ADAM19: variants seen among roughly 807,000 people sequenced by gnomAD.
ADAM19 encodes disintegrin and metalloproteinase domain-containing protein 19.
In ADAM19, 65 loss-of-function variants were observed where a neutral mutation model predicts 114.7. The observed-to-expected ratio is 0.57, with a 90% CI of 0.46 to 0.70. ADAM19 has a LOEUF of 0.70. Among genes scored for constraint, ADAM19 ranks in the 30% least tolerant of loss-of-function variants. ADAM19 has a pLI of 0.00. For synonymous variants in ADAM19, 466 were observed against 460.5 expected, an observed-to-expected ratio of 1.01 and a Z score of -0.15; for missense variants, 1,063 against 1,204.7, an observed-to-expected ratio of 0.88 and a Z score of 1.74.
In ADAM19 at chr5:157,520,042, G is replaced by A. The variant is rs766890808; in HGVS notation, c.408-11C>T. On this transcript the variant is annotated splice_polypyrimidine_tract_variant and intron_variant, in intron 5 of 22. Coordinates refer to ENST00000257527, the MANE Select transcript of ADAM19 (RefSeq NM_033274.5). ...ACCGTAATCAGTCCTCTGTTGAGAG[G>A]AGAAATAGAATCTCTGGTCAAAGAT... 7.5e-6 allele frequency: 12 copies of A among 1,598,776 alleles called. No homozygotes were observed. The highest frequency in any genetic ancestry group is 1.7e-4 in the Middle Eastern group (1 of 5,992).
intron 1 of ADAM19, 42 bp downstream of exon 1, chr5:157,575,560 TC>T: frequency 7.1e-7 from 1 of 1,407,748 alleles, no homozygotes; most frequent in Non-Finnish European, 9.3e-7. Flanking sequence ...CTCCCAGGTC[TC>T]CGGGCCACCC....
chr5:157,530,229 GC>G (rs56121516), intron 5 of ADAM19, among the ~76,000 whole-genome samples: 68,723 of 151,512 alleles, frequency 0.45, 16,161 homozygotes, highest in African/African-American at 0.57. Context: ...TATTTTATGG[GC>G]ACTCTCACCC....
In ADAM19 at chr5:157,481,993, A is replaced by G. The variant is rs1320858009; in HGVS notation, c.2551-50T>C. On this transcript the variant is annotated intron_variant, in intron 21 of 22. Coordinates refer to ENST00000257527, the MANE Select transcript of ADAM19 (RefSeq NM_033274.5). ...CTTGAAGGCCAGAGGCCTGTTTGAA[A>G]GAAAATATCCCTGATATCTTACAGG... The G allele has an allele frequency of 4.2e-6, 6 of 1,412,102 alleles. No homozygotes were observed. In the East Asian group the frequency reaches 1.4e-4, roughly 34 times the overall value. 87.5% of individuals were successfully genotyped at this position (1,412,102 alleles called of 1,614,324 possible). A position where few individuals can be genotyped will look rare whatever the true frequency, so the allele number is the denominator to read the frequency against.
chr5:157,515,414 T>A (rs1445155969), intron 7 of ADAM19, among the ~76,000 whole-genome samples: 1 of 152,156 alleles, frequency 6.6e-6, no homozygotes, highest in Non-Finnish European at 1.5e-5. Flanking sequence ...TTGTCCAGAG[T>A]ATTCTGAAGC....
At chr5:157,482,161 G>T (rs1359004453) in intron 21 of ADAM19, among the ~76,000 whole-genome samples, 1 of 152,202 alleles carries the variant, frequency 6.6e-6, no homozygotes, top group African/African-American at 2.4e-5. Context: ...CAGTGAAGAT[G>T]ATCTTTTTTT....
At chr5:157,548,838 C>T (rs552728338) in intron 3 of ADAM19, among the ~76,000 whole-genome samples, 223 of 152,286 alleles carry the variant, frequency 1.5e-3, no homozygotes, top group African/African-American at 5.0e-3. Flanking sequence ...AAACACCCTC[C>T]AATTTCCAGA....
chr5:157,532,353 C>A lies in ADAM19; in HGVS notation c.331-1470G>T, dbSNP rs1490390191. ...TATAATTACAAACCAAAAGAAGGGG[C>A]TTGAAATAACCATTTCAAGTGCTGG... On this transcript the variant is annotated intron_variant, in intron 4 of 22. Coordinates refer to ENST00000257527, the MANE Select transcript of ADAM19 (RefSeq NM_033274.5). 2.0e-5 allele frequency among the ~76,000 whole-genome samples: 3 copies of A among 152,222 alleles called. No homozygotes were observed. The East Asian group carries it at 5.8e-4, about 29-fold the overall frequency.
In ADAM19 at chr5:157,479,953, CAT is replaced by C. The variant is rs1419227303; in HGVS notation, c.*994_*995del. On this transcript the variant is annotated 3_prime_UTR_variant, in exon 23 of 23. Coordinates refer to ENST00000257527, the MANE Select transcript of ADAM19 (RefSeq NM_033274.5). Reference sequence around the variant, plus strand: ...GTCACAAAACACAATGAAAAATAAACATATGACCCCAATGGCCATGCCCCAAG... The same window carrying C: ...GTCACAAAACACAATGAAAAATAAACATGACCCCAATGGCCATGCCCCAAG... 4.1e-6 allele frequency: 4 copies of C among 985,774 alleles called. No homozygotes were observed. Among genetic ancestry groups the C allele is most frequent in the Non-Finnish European group, 4.8e-6 (4 of 829,990 alleles). The allele number at this position is 985,774 out of a possible 1,614,324, so 61.1% of individuals were successfully genotyped here.
chr5:157,500,911 T>C (rs751320625), intron 12 of ADAM19, among the ~76,000 whole-genome samples: 2 of 152,178 alleles, frequency 1.3e-5, no homozygotes, highest in Non-Finnish European at 2.9e-5. Flanking sequence ...GAGGCAGCCT[T>C]GACCCCATTC....
chr5:157,567,838 A>T (rs141300252), intron 2 of ADAM19, among the ~76,000 whole-genome samples: 248 of 152,066 alleles, frequency 1.6e-3, no homozygotes, highest in African/African-American at 5.7e-3. Context: ...GAAAGACGAC[A>T]CAGCAACAGA....
chr5:157,532,715 C>T (rs1359824633), intron 4 of ADAM19, among the ~76,000 whole-genome samples: 1 of 152,182 alleles, frequency 6.6e-6, no homozygotes, highest in Non-Finnish European at 1.5e-5. Flanking sequence ...TTCTTTGTCC[C>T]CACCAGACAG....
chr5:157,506,457 C>A (rs1339400491), intron 10 of ADAM19, among the ~76,000 whole-genome samples: 1 of 152,230 alleles, frequency 6.6e-6, no homozygotes, highest in African/African-American at 2.4e-5. Flanking sequence ...CCCAAAATCA[C>A]ACAGCTGTTC....
chr5:157,504,229 C>A (rs1755664488), intron 11 of ADAM19, among the ~76,000 whole-genome samples: 1 of 152,138 alleles, frequency 6.6e-6, no homozygotes, highest in South Asian at 2.1e-4. Context: ...GAAGCTGTAT[C>A]CTGCCTCATT....
At position 157,575,491 on chromosome 5, in the gene ADAM19, C is replaced by T. The variant is rs1757947933; in HGVS notation, c.94+112G>A. 6.7e-6 allele frequency: 5 copies of T among 748,410 alleles called. No homozygotes were observed. In the East Asian group the frequency reaches 1.7e-4, roughly 26 times the overall value. The allele number at this position is 748,410 out of a possible 1,614,324, so 46.4% of individuals were successfully genotyped here. ...GCTGGGGACGGCGGGGGCGCAGGCC[C>T]CGCGGAGTTGCGGGAGGCGCAGGGG... On this transcript the variant is annotated intron_variant, in intron 1 of 22. Transcript: ENST00000257527.
At position 157,480,052 on chromosome 5, in the gene ADAM19, T is replaced by A; in HGVS notation, c.*897A>T. ...CCGACTGTGAGAGAGGACTCTGACT[T>A]GTAGGTCACAAGCACCTGGTCACCC... On this transcript the variant is annotated 3_prime_UTR_variant, in exon 23 of 23. Coordinates refer to ENST00000257527, the MANE Select transcript of ADAM19 (RefSeq NM_033274.5). The A allele has an allele frequency of 1.0e-6, 1 of 985,872 alleles. No individual in the cohort carries two copies. The highest frequency in any genetic ancestry group is 1.2e-6 in the Non-Finnish European group (1 of 830,012). 61.1% of individuals were successfully genotyped at this position (985,872 alleles called of 1,614,324 possible). A position where few individuals can be genotyped will look rare whatever the true frequency, so the allele number is the denominator to read the frequency against.
At chr5:157,564,499 G>T in intron 2 of ADAM19, 56 bp from the exon 3 acceptor site, 2 of 1,508,884 alleles carry the variant, frequency 1.3e-6, no homozygotes, top group Non-Finnish European at 1.8e-6. Flanking sequence ...AGGCTCCCTG[G>T]GTCGGGCACA....
At chr5:157,564,009 TCTC>T (rs1757584449) in intron 3 of ADAM19, among the ~76,000 whole-genome samples, 1 of 152,118 alleles carries the variant, frequency 6.6e-6, no homozygotes, top group Non-Finnish European at 1.5e-5. Context: ...TTTCCTCTAA[TCTC>T]CTTCATTTCC....
At chr5:157,547,428 G>A (rs142577195) in intron 3 of ADAM19, among the ~76,000 whole-genome samples, 16 of 152,300 alleles carry the variant, frequency 1.1e-4, no homozygotes, top group Non-Finnish European at 2.4e-4. Flanking sequence ...ATAATGAGTG[G>A]ATTAATGCTG....
At chr5:157,526,624 A>T (rs950530354) in intron 5 of ADAM19, among the ~76,000 whole-genome samples, 1 of 145,484 alleles carries the variant, frequency 6.9e-6, no homozygotes, top group African/African-American at 2.5e-5. Flanking sequence ...TATTGGTGTC[A>T]TTTTTTTTTT....
Sources: allele counts gnomAD v4.1 joint callset (sites outside exome capture counted in the v4.1 genomes callset), GRCh38; gene constraint gnomAD v4.1.1; transcripts MANE v1.5; gene names NCBI Gene and HGNC (gene_info 2026-07-23, HGNC 2026-07-21).